NOL4: variants seen among roughly 807,000 people sequenced by gnomAD.
NOL4 encodes nucleolar protein 4.
In NOL4, 17 loss-of-function variants were observed where a neutral mutation model predicts 75.9. That is an observed-to-expected ratio of 0.22 (90% CI 0.15 to 0.34). The LOEUF (loss-of-function observed/expected upper bound fraction) is 0.34. Ranked by LOEUF, NOL4 falls within the 10% of genes least tolerant of loss-of-function variation. The pLI, the probability that NOL4 is intolerant of heterozygous loss-of-function variation, is 1.00. For synonymous variants in NOL4, 292 were observed against 289.9 expected, an observed-to-expected ratio of 1.01 and a Z score of -0.07; for missense variants, 614 against 793.5, an observed-to-expected ratio of 0.77 and a Z score of 2.72.
intron 9 of NOL4, among the ~76,000 whole-genome samples, chr18:33,886,800 T>TAG (rs1252614897): frequency 4.4e-4 from 63 of 144,598 alleles, no homozygotes; most frequent in Middle Eastern, 3.7e-3. Context: ...GATATATCTA[T>TAG]ATACGTATAT....
At chr18:33,879,117 T>A (rs1005791139) in intron 10 of NOL4, among the ~76,000 whole-genome samples, 7 of 152,112 alleles carry the variant, frequency 4.6e-5, no homozygotes, top group African/African-American at 1.4e-4. Flanking sequence ...TTGAAGAATT[T>A]AAAAAAACAG....
At chr18:34,140,604 G>A (rs1017151238) in intron 1 of NOL4, among the ~76,000 whole-genome samples, 9 of 152,120 alleles carry the variant, frequency 5.9e-5, no homozygotes, top group Admixed American at 4.6e-4. Flanking sequence ...CCTGAATAGA[G>A]CACACTGATG....
At chr18:34,212,449 GT>G (rs2036578681) in intron 1 of NOL4, among the ~76,000 whole-genome samples, 1 of 151,902 alleles carries the variant, frequency 6.6e-6, no homozygotes, top group Non-Finnish European at 1.5e-5. Flanking sequence ...TTACACACAT[GT>G]TTTTGGTAAA....
chr18:33,949,087 T>A (rs934571417), intron 8 of NOL4, among the ~76,000 whole-genome samples: 1 of 152,110 alleles, frequency 6.6e-6, no homozygotes, highest in African/African-American at 2.4e-5. Flanking sequence ...TGATATATTT[T>A]TATTTGTGAT....
At chr18:33,965,722 T>C (rs1031874338) in intron 6 of NOL4, among the ~76,000 whole-genome samples, 1 of 152,172 alleles carries the variant, frequency 6.6e-6, no homozygotes, top group East Asian at 1.9e-4. Flanking sequence ...ATGTGTTTTC[T>C]TCCATTTCCA....
At chr18:34,139,032 T>G (rs1181035253) in intron 1 of NOL4, among the ~76,000 whole-genome samples, 1 of 152,230 alleles carries the variant, frequency 6.6e-6, no homozygotes, top group Non-Finnish European at 1.5e-5. Context: ...GAAGCCCACT[T>G]GATTATGGTG....
At chr18:33,906,589 A>C (rs112089638) in intron 9 of NOL4, among the ~76,000 whole-genome samples, 1 of 152,206 alleles carries the variant, frequency 6.6e-6, no homozygotes, top group African/African-American at 2.4e-5. Flanking sequence ...CTCATAATTA[A>C]TGGGTGTTGT....
chr18:34,057,767 C>T (rs528182590), intron 5 of NOL4, among the ~76,000 whole-genome samples: 1 of 152,200 alleles, frequency 6.6e-6, no homozygotes, highest in South Asian at 2.1e-4. Context: ...TCTAGTTGCA[C>T]ATTGCTATGG....
intron 5 of NOL4, among the ~76,000 whole-genome samples, chr18:34,089,519 A>G (rs577250943): frequency 1.4e-3 from 220 of 152,358 alleles, no homozygotes; most frequent in African/African-American, 4.9e-3. Context: ...AATTAAAATT[A>G]AATTAGAATA....
At chr18:34,176,970 T>C (rs1372125399) in intron 1 of NOL4, among the ~76,000 whole-genome samples, 1 of 151,972 alleles carries the variant, frequency 6.6e-6, no homozygotes, top group African/African-American at 2.4e-5. Flanking sequence ...CTTTATAAGA[T>C]AGAGTTGATA....
intron 1 of NOL4, chr18:34,156,958 C>T (rs1311886015): frequency 6.6e-6 from 1 of 152,166 alleles, no homozygotes; most frequent in East Asian, 1.9e-4. Flanking sequence ...CGTATATTGG[C>T]TTTTACGTCA....
chr18:33,859,187 T>C (rs2062975233), intron 10 of NOL4, among the ~76,000 whole-genome samples: 1 of 152,100 alleles, frequency 6.6e-6, no homozygotes, highest in Admixed American at 6.6e-5. Flanking sequence ...ATTGGTTCAT[T>C]AACTTTATAT....
At chr18:33,958,535 T>C (rs966444192) in intron 6 of NOL4, 117 bp from the exon 7 acceptor site, 10 of 760,916 alleles carry the variant, frequency 1.3e-5, no homozygotes, top group Non-Finnish European at 2.0e-5. Context: ...TTGATAACTC[T>C]AGAGCTGTGG....
intron 5 of NOL4, among the ~76,000 whole-genome samples, chr18:34,049,178 G>C (rs1485927338): frequency 6.6e-6 from 1 of 150,822 alleles, no homozygotes; most frequent in Non-Finnish European, 1.5e-5. Flanking sequence ...GGTGGGGGAG[G>C]GGTATGCTAA....
intron 9 of NOL4, among the ~76,000 whole-genome samples, chr18:33,886,803 ACG>A (rs1212998189): frequency 3.1e-4 from 45 of 144,318 alleles, no homozygotes; most frequent in African/African-American, 1.0e-3. Flanking sequence ...ATATCTATAT[ACG>A]TATATAGATA....
intron 2 of NOL4, among the ~76,000 whole-genome samples, chr18:34,119,770 C>T (rs1210175773): frequency 3.3e-5 from 5 of 152,004 alleles, no homozygotes; most frequent in African/African-American, 4.8e-5. Flanking sequence ...TACAGGCGCC[C>T]GCCACCACGC....
intron 5 of NOL4, among the ~76,000 whole-genome samples, chr18:34,071,112 C>G (rs1387763673): frequency 3.3e-5 from 5 of 151,910 alleles, no homozygotes; most frequent in Admixed American, 3.3e-4. Context: ...GTTCTCACCA[C>G]AAAGAAATGA....
At chr18:34,170,642 A>T (rs12604110) in intron 1 of NOL4, among the ~76,000 whole-genome samples, 3,112 of 152,338 alleles carry the variant, frequency 0.02, 51 homozygotes, top group East Asian at 0.062. Context: ...TAAAATGACT[A>T]CTAGAAAGTT....
chr18:34,068,873 G>A (rs2077393806), intron 5 of NOL4, among the ~76,000 whole-genome samples: 2 of 152,046 alleles, frequency 1.3e-5, no homozygotes, highest in South Asian at 4.1e-4. Context: ...ACTCAAAGAT[G>A]AACTCAATAT....
Sources: gnomAD v4.1 joint callset for allele counts (sites outside exome capture counted in the v4.1 genomes callset) on GRCh38, gnomAD v4.1.1 for gene constraint, MANE v1.5 for transcripts, NCBI Gene and HGNC (gene_info 2026-07-23, HGNC 2026-07-21) for gene names.